RABL3: variants seen among roughly 807,000 people sequenced by gnomAD.
RABL3 encodes the protein RAB, member of RAS oncogene family like 3.
A neutral mutation model predicts 31.8 loss-of-function variants in RABL3; 31 were observed. That is an observed-to-expected ratio of 0.97 (90% confidence interval 0.73 to 1.31). The LOEUF (loss-of-function observed/expected upper bound fraction) is 1.31. Ranked by LOEUF, RABL3 falls within the 40% of genes most tolerant of loss-of-function variation. RABL3 has a pLI of 0.00. For missense variants in RABL3, 263 were observed against 279.6 expected (o/e 0.94, Z 0.42); for synonymous variants, 97 against 99.9 (o/e 0.97, Z 0.18).
chr3:120,732,936 T>C lies in RABL3; in HGVS notation c.47-2149A>G, dbSNP rs567997578. ...CATAGTATTCCATGGTGTATATGTG[T>C]CACATTTTCTTAATCCAGTCTATCA... On this transcript the variant is annotated intron_variant, in intron 1 of 7. Coordinates refer to ENST00000273375, the MANE Select transcript of RABL3 (RefSeq NM_173825.5). Among the ~76,000 whole-genome samples the C allele has an allele frequency of 8.5e-5, 13 of 152,246 alleles. No homozygotes were observed. The South Asian group carries it at 1.0e-3, about 12-fold the overall frequency.
intron 4 of RABL3, among the ~76,000 whole-genome samples, chr3:120,700,718 C>G (rs1708483334): frequency 6.6e-6 from 1 of 151,946 alleles, no homozygotes; most frequent in Admixed American, 6.5e-5. Flanking sequence ...GATGTTTTAA[C>G]ATTTGGTTCA....
At position 120,717,296 on chromosome 3, in the gene RABL3, A is replaced by G. The variant is rs569223257; in HGVS notation, c.139-7387T>C. 1.9e-4 allele frequency among the ~76,000 whole-genome samples: 29 copies of G among 150,706 alleles called. No individual in the cohort carries two copies. In the East Asian group the frequency reaches 4.9e-3, roughly 25 times the overall value. On this transcript the variant is annotated intron_variant, in intron 2 of 7. Coordinates refer to ENST00000273375, the MANE Select transcript of RABL3 (RefSeq NM_173825.5). ...AAAAAAAAACAACAAAAAAAAAAAC[A>G]AGACAGAAGTCAACTGGCTTAAGAT...
At chr3:120,702,848 C>T (rs563180815) in intron 4 of RABL3, among the ~76,000 whole-genome samples, 13 of 151,788 alleles carry the variant, frequency 8.6e-5, no homozygotes, top group Non-Finnish European at 7.4e-5. Context: ...TGAGCCACCG[C>T]GCCGGGCCCA....
intron 1 of RABL3, among the ~76,000 whole-genome samples, chr3:120,741,319 A>G (rs570781120): frequency 3.3e-5 from 5 of 152,394 alleles, no homozygotes; most frequent in Non-Finnish European, 7.3e-5. Context: ...GGAATATTAA[A>G]TAATGCTCTC....
intron 1 of RABL3, among the ~76,000 whole-genome samples, chr3:120,732,338 A>G (rs1576347298): frequency 6.6e-6 from 1 of 152,164 alleles, no homozygotes. Context: ...AACTAAGCAT[A>G]GCATCCACTA....
chr3:120,698,484 T>C lies in RABL3; in HGVS notation c.473A>G (p.His158Arg). 6.2e-7 allele frequency: 1 copy of C among 1,614,094 alleles called. No homozygotes were observed. The highest frequency in any genetic ancestry group is 8.5e-7 in the Non-Finnish European group (1 of 1,179,934). Reference protein sequence around the residue: ...KLDQIHETKRHEVLTRTAFLA... With the variant: ...KLDQIHETKRREVLTRTAFLA... ...GAAAGCAGTCCTAGTTAAAACTTCA[T>C]GGCGCTTTGTTTCATGAATCTGGTC... Residue 158 changes from histidine (H) to arginine (R), a missense_variant, in exon 5 of 8, where the codon CAT (histidine) becomes CGT (arginine). Coordinates refer to ENST00000273375, the MANE Select transcript of RABL3 (RefSeq NM_173825.5).
At chr3:120,724,918 G>A (rs1267732726) in intron 2 of RABL3, among the ~76,000 whole-genome samples, 17 of 151,704 alleles carry the variant, frequency 1.1e-4, no homozygotes, top group Admixed American at 2.0e-4. Context: ...AAACACCAAA[G>A]GCAATGGCAA....
intron 1 of RABL3, among the ~76,000 whole-genome samples, chr3:120,733,295 G>C (rs1468484963): frequency 6.6e-6 from 1 of 152,112 alleles, no homozygotes; most frequent in African/African-American, 2.4e-5. Context: ...GTTTTGATTT[G>C]CATTTCTCTG....
intron 4 of RABL3, among the ~76,000 whole-genome samples, chr3:120,701,737 A>T (rs1016843869): frequency 6.6e-6 from 1 of 152,208 alleles, no homozygotes; most frequent in Admixed American, 6.5e-5. Context: ...TAGGTTTCAC[A>T]TAACAATTAG....
intron 2 of RABL3, among the ~76,000 whole-genome samples, chr3:120,719,648 G>T (rs1708713197): frequency 6.6e-6 from 1 of 152,220 alleles, no homozygotes; most frequent in Admixed American, 6.5e-5. Context: ...AGCCAGGCTG[G>T]GGGAGGGGCA....
chr3:120,724,713 T>A (rs1708795592), intron 2 of RABL3, among the ~76,000 whole-genome samples: 1 of 152,178 alleles, frequency 6.6e-6, no homozygotes, highest in Non-Finnish European at 1.5e-5. Context: ...GATTCCCTAA[T>A]TAATAAATGG....
At position 120,709,839 on chromosome 3, in the gene RABL3, G is replaced by C. The variant is rs1708592762; in HGVS notation, c.209C>G (p.Ser70Cys). 1 of 1,612,172 alleles carries C rather than the reference G, an allele frequency of 6.2e-7. No homozygotes were observed. The highest frequency in any genetic ancestry group is 8.5e-7 in the Non-Finnish European group (1 of 1,178,494). ...TTTCACGCTGCTGGCACTGCCCACA[G>C]AGCCTCCAACATCCCATAATTCTAT... is the stretch of plus-strand genomic sequence containing the variant. ...YYIELWDVGG[S>C]VGSASSVKST... The change falls in exon 3 of 8, where the codon TCT becomes TGT. Residue 70 changes from serine to cysteine, a missense_variant. By Grantham distance (112) the Ser-to-Cys change is moderately radical. Coordinates refer to ENST00000273375, the MANE Select transcript of RABL3 (RefSeq NM_173825.5).
At chr3:120,720,357 G>A (rs1708723479) in intron 2 of RABL3, among the ~76,000 whole-genome samples, 1 of 152,194 alleles carries the variant, frequency 6.6e-6, no homozygotes, top group African/African-American at 2.4e-5. Context: ...TGATTTGAGA[G>A]AAGAAGGCTT....
chr3:120,726,364 C>T (rs1220836612), intron 2 of RABL3, among the ~76,000 whole-genome samples: 1 of 152,128 alleles, frequency 6.6e-6, no homozygotes, highest in Non-Finnish European at 1.5e-5. Flanking sequence ...GTGGCTTATG[C>T]CTCTAATCCC....
chr3:120,723,872 C>T (rs370588039), intron 2 of RABL3, among the ~76,000 whole-genome samples: 2 of 151,826 alleles, frequency 1.3e-5, no homozygotes, highest in African/African-American at 4.8e-5. Context: ...GGAAGCATTC[C>T]CTTTGAAAAC....
At chr3:120,720,941 T>A (rs1211800609) in intron 2 of RABL3, among the ~76,000 whole-genome samples, 1 of 152,074 alleles carries the variant, frequency 6.6e-6, no homozygotes, top group Non-Finnish European at 1.5e-5. Flanking sequence ...GAGAGAAAAG[T>A]CAGGTTACCC....
intron 5 of RABL3, among the ~76,000 whole-genome samples, chr3:120,696,273 C>CATATATA: frequency 6.6e-6 from 1 of 152,238 alleles, no homozygotes; most frequent in Non-Finnish European, 1.5e-5. Context: ...GAAATTTATA[C>CATATATA]AGTAACTGAT....
chr3:120,716,337 T>C (rs968319252), intron 2 of RABL3, among the ~76,000 whole-genome samples: 1 of 152,332 alleles, frequency 6.6e-6, no homozygotes, highest in South Asian at 2.1e-4. Flanking sequence ...AAACTTTTCT[T>C]CCTTTTCTTT....
intron 2 of RABL3, 43 bp downstream of exon 2, chr3:120,730,652 TC>T: frequency 3.2e-6 from 4 of 1,252,098 alleles, no homozygotes; most frequent in Non-Finnish European, 4.7e-6. Flanking sequence ...GAAGCAGTTA[TC>T]TTTAGTACAT....
Sources: allele counts gnomAD v4.1 joint callset (sites outside exome capture counted in the v4.1 genomes callset), GRCh38; gene constraint gnomAD v4.1.1; transcripts MANE v1.5; gene names NCBI Gene and HGNC (gene_info 2026-07-23, HGNC 2026-07-21).